CPQ: variants seen among roughly 807,000 people sequenced by gnomAD.
The protein encoded by CPQ is carboxypeptidase Q.
A neutral mutation model predicts 45.7 loss-of-function variants in CPQ; 37 were observed. The ratio of observed to expected loss-of-function variants is 0.81; its 90% CI spans 0.62 to 1.07. CPQ has a LOEUF of 1.07. Ranked by LOEUF, CPQ falls within the 50% of genes least tolerant of loss-of-function variation. The pLI is 0.00. For missense variants in CPQ, 537 were observed against 572.9 expected, an observed-to-expected ratio of 0.94 and a Z score of 0.64; for synonymous variants, 186 against 205.8, an observed-to-expected ratio of 0.90 and a Z score of 0.82.
intron 1 of CPQ, among the ~76,000 whole-genome samples, chr8:96,681,073 T>G (rs1809143966): frequency 6.6e-6 from 1 of 152,180 alleles, no homozygotes; most frequent in African/African-American, 2.4e-5. Context: ...AGCATAAAAG[T>G]TTGGAAATTT....
intron 1 of CPQ, among the ~76,000 whole-genome samples, chr8:96,770,362 G>T (rs970595024): frequency 1.3e-5 from 2 of 152,156 alleles, no homozygotes; most frequent in African/African-American, 4.8e-5. Context: ...GAACCAGTGA[G>T]ACAAGAAAGA....
chr8:97,082,444 T>C lies in CPQ; in HGVS notation c.1255+16234T>C, dbSNP rs140696312. Among the ~76,000 whole-genome samples the C allele has an allele frequency of 3.7e-3, 561 of 152,244 alleles. 2 individuals carry two copies. The highest frequency in any genetic ancestry group is 0.012 in the African/African-American group (514 of 41,562). On this transcript the variant is annotated intron_variant, in intron 7 of 7. Coordinates refer to ENST00000220763, the MANE Select transcript of CPQ (RefSeq NM_016134.4). ...GGAGAAGGAGTGCTGTGCAGGTAAA[T>C]ACAATAACCAGCTTTGTTTCATTGT...
At chr8:96,670,840 A>G (rs990634661) in intron 1 of CPQ, among the ~76,000 whole-genome samples, 28 of 151,892 alleles carry the variant, frequency 1.8e-4, no homozygotes, top group Non-Finnish European at 2.6e-4. Flanking sequence ...GAAATGAACA[A>G]CAAATTAGTG....
At chr8:96,738,437 ATTTTTTAT>A (rs954336307) in intron 1 of CPQ, among the ~76,000 whole-genome samples, 1 of 150,790 alleles carries the variant, frequency 6.6e-6, no homozygotes, top group Non-Finnish European at 1.5e-5. Flanking sequence ...ATTCATTTTT[ATTTTTTAT>A]TTTTTTATTT....
intron 7 of CPQ, among the ~76,000 whole-genome samples, chr8:97,097,050 C>T (rs756183253): frequency 6.6e-5 from 10 of 152,158 alleles, no homozygotes; most frequent in South Asian, 4.1e-4. Context: ...AGGTTTCCAG[C>T]GTCCTTTTCC....
chr8:97,143,105 G>T lies in CPQ; in HGVS notation c.1341G>T (p.Gln447His), dbSNP rs1368056427. 6.2e-7 allele frequency: 1 copy of T among 1,613,972 alleles called. No homozygotes were observed. Among genetic ancestry groups the T allele is most frequent in the South Asian group, 1.1e-5 (1 of 91,064 alleles). ...CCATGACTGTCATGGATCCAAAGCA[G>T]ATGAATGTTGCTGCTGCTGTTTGGG... ...GDTMTVMDPK[Q>H]MNVAAAVWAV... The change falls in exon 8 of 8, where the codon CAG (glutamine) becomes CAT (histidine). Residue 447 changes from glutamine (Q) to histidine (H), a missense_variant. Physicochemically the swap from Gln to His is conservative, Grantham distance 24. Transcript: ENST00000220763.
intron 4 of CPQ, among the ~76,000 whole-genome samples, chr8:96,883,083 T>C (rs1310698182): frequency 6.6e-6 from 1 of 152,244 alleles, no homozygotes; most frequent in Non-Finnish European, 1.5e-5. Context: ...TTTTGAGATG[T>C]ATCCATGTTG....
chr8:96,722,705 A>G (rs540471224), intron 1 of CPQ, among the ~76,000 whole-genome samples: 50 of 152,248 alleles, frequency 3.3e-4, no homozygotes, highest in Admixed American at 9.2e-4. Flanking sequence ...ACACAGATTT[A>G]TTTCTCTCTC....
intron 4 of CPQ, among the ~76,000 whole-genome samples, chr8:96,932,352 TATTG>T (rs1812986176): frequency 1.3e-5 from 2 of 152,210 alleles, no homozygotes. Context: ...ACCACATAGT[TATTG>T]ATTTTTAATA....
chr8:96,745,772 TA>T (rs1810171763), intron 1 of CPQ, among the ~76,000 whole-genome samples: 1 of 152,202 alleles, frequency 6.6e-6, no homozygotes, highest in Non-Finnish European at 1.5e-5. Context: ...TTTTTATAAT[TA>T]AAATTCATAA....
intron 2 of CPQ, among the ~76,000 whole-genome samples, chr8:96,791,161 G>A (rs1810840723): frequency 6.6e-6 from 1 of 152,144 alleles, no homozygotes; most frequent in South Asian, 2.1e-4. Flanking sequence ...TTTACCAAGG[G>A]TTGCACAACT....
intron 5 of CPQ, among the ~76,000 whole-genome samples, chr8:96,979,147 G>A (rs1021404595): frequency 2.6e-5 from 4 of 152,090 alleles, no homozygotes; most frequent in African/African-American, 7.2e-5. Context: ...AGTGAGGAGG[G>A]GGTGGGAAAC....
rs144071395 is a variant in CPQ, at chr8:97,085,897, C to T, written c.1255+19687C>T. 6.5e-3 allele frequency among the ~76,000 whole-genome samples: 995 copies of T among 152,238 alleles called. 6 individuals carry two copies. The highest frequency in any genetic ancestry group is 0.014 in the Middle Eastern group (4 of 294). ...CAAATGTGTTGTAATGCTTAATTATCCTTAATACATAAAGGAAGTGACCTA... is the reference window on the plus strand; with the variant it reads ...CAAATGTGTTGTAATGCTTAATTATTCTTAATACATAAAGGAAGTGACCTA... On this transcript the variant is annotated intron_variant, in intron 7 of 7. Coordinates refer to ENST00000220763, the MANE Select transcript of CPQ (RefSeq NM_016134.4).
intron 1 of CPQ, among the ~76,000 whole-genome samples, chr8:96,695,181 C>A (rs2130740467): frequency 6.7e-6 from 1 of 149,884 alleles, no homozygotes; most frequent in Non-Finnish European, 1.5e-5. Context: ...GAAAAACAAG[C>A]AATGGGGAAA....
chr8:96,688,197 C>CT, intron 1 of CPQ, among the ~76,000 whole-genome samples: 1 of 151,980 alleles, frequency 6.6e-6, no homozygotes, highest in Non-Finnish European at 1.5e-5. Flanking sequence ...AGGTGTTTAT[C>CT]TTTTTTCATT....
At chr8:96,732,666 C>A (rs1268821549) in intron 1 of CPQ, among the ~76,000 whole-genome samples, 1 of 151,766 alleles carries the variant, frequency 6.6e-6, no homozygotes, top group Non-Finnish European at 1.5e-5. Context: ...CATAGGATCT[C>A]TTTTAGCAAT....
At chr8:96,836,002 AG>A (rs2130849478) in intron 3 of CPQ, among the ~76,000 whole-genome samples, 1 of 152,334 alleles carries the variant, frequency 6.6e-6, no homozygotes, top group South Asian at 2.1e-4. Context: ...TGTTCAGCCT[AG>A]TTTAATAGCT....
chr8:96,724,629 T>G (rs1171119269), intron 1 of CPQ, among the ~76,000 whole-genome samples: 2 of 152,126 alleles, frequency 1.3e-5, no homozygotes, highest in African/African-American at 4.8e-5. Context: ...TGAAAAAGCA[T>G]TCCATGCTCA....
At chr8:96,899,039 A>G (rs550548215) in intron 4 of CPQ, among the ~76,000 whole-genome samples, 8 of 152,292 alleles carry the variant, frequency 5.3e-5, no homozygotes, top group East Asian at 1.9e-4. Flanking sequence ...ACAGAGAATT[A>G]TAAATGAGAT....
Sources: allele counts gnomAD v4.1 joint callset (sites outside exome capture counted in the v4.1 genomes callset), GRCh38; gene constraint gnomAD v4.1.1; transcripts MANE v1.5; gene names NCBI Gene and HGNC (gene_info 2026-07-23, HGNC 2026-07-21).